LAP3: variants seen among roughly 807,000 people sequenced by gnomAD.
LAP3 encodes leucine aminopeptidase 3.
A neutral mutation model predicts 58.8 loss-of-function variants in LAP3; 46 were observed. The observed-to-expected ratio is 0.78, with a 90% CI of 0.62 to 1.00. LAP3 has a LOEUF of 1.00. Ranked by LOEUF, LAP3 falls within the 50% of genes least tolerant of loss-of-function variation. The pLI is 0.00. For missense variants in LAP3, 615 were observed against 659.1 expected (o/e 0.93, Z 0.73); for synonymous variants, 257 against 237.7 (o/e 1.08, Z -0.75).
Position 17,577,215 on chromosome 4 carries a change from C to CACACGAATGCGGGCGA in LAP3, c.-236_-235insAACACGAATGCGGGCG. On this transcript the variant is annotated 5_prime_UTR_variant, in exon 1 of 13. The change creates a new upstream start codon in the 5' untranslated region. Transcript: ENST00000226299. ...GCGCGGGCGCACACGAATGCGGGCG[C>CACACGAATGCGGGCGA]ACACGAATGCGGGCGCACACGAATG... The CACACGAATGCGGGCGA allele has an allele frequency of 2.9e-6, 1 of 348,856 alleles. No homozygotes were observed. The highest frequency in any genetic ancestry group is 5.0e-5 in the East Asian group (1 of 19,816). 21.6% of individuals were successfully genotyped at this position (348,856 alleles called of 1,614,324 possible).
rs1292606479 is a variant in LAP3 at position 17,580,500 on chromosome 4, AGACTG to A, written c.218+562_218+566del. On this transcript the variant is annotated intron_variant, in intron 2 of 12. Coordinates refer to ENST00000226299, the MANE Select transcript of LAP3 (RefSeq NM_015907.3). ...AGCCCAATCAGAAATCTATTGTGAA[AGACTG>A]ATCCAGAATAATCTGGAAAGTACCA... Among the ~76,000 whole-genome samples, 7 of 152,014 alleles carry A rather than the reference AGACTG, an allele frequency of 4.6e-5. No homozygotes were observed. In the East Asian group the frequency reaches 1.4e-3, roughly 30 times the overall value.
chr4:17,581,628 T>A, intron 2 of LAP3, 132 bp from the exon 3 acceptor site: 1 of 642,614 alleles, frequency 1.6e-6, no homozygotes. Context: ...TGTATTTGGA[T>A]AAAAACATAA....
intron 6 of LAP3, among the ~76,000 whole-genome samples, chr4:17,587,832 A>C (rs1234310893): frequency 6.6e-6 from 1 of 152,066 alleles, no homozygotes; most frequent in Non-Finnish European, 1.5e-5. Flanking sequence ...TGTGAGAAAC[A>C]GTGTGTGACA....
At chr4:17,580,574 C>T (rs1713339414) in intron 2 of LAP3, among the ~76,000 whole-genome samples, 1 of 152,096 alleles carries the variant, frequency 6.6e-6, no homozygotes, top group Non-Finnish European at 1.5e-5. Flanking sequence ...ACTTTCCCCA[C>T]CCTCTTCCTC....
chr4:17,579,168 C>A (rs1160028160), intron 1 of LAP3, among the ~76,000 whole-genome samples: 1 of 152,122 alleles, frequency 6.6e-6, no homozygotes, highest in Non-Finnish European at 1.5e-5. Context: ...TGTGACAAGA[C>A]AAAGGGGCTT....
intron 11 of LAP3, among the ~76,000 whole-genome samples, chr4:17,605,605 A>C (rs1714106237): frequency 6.6e-6 from 1 of 152,172 alleles, no homozygotes; most frequent in Non-Finnish European, 1.5e-5. Context: ...TTTAAGGTCT[A>C]AACTTATTTT....
intron 12 of LAP3, 47 bp downstream of exon 12, chr4:17,606,985 GCCAAAA>G: frequency 1.6e-6 from 2 of 1,243,826 alleles, no homozygotes; most frequent in Non-Finnish European, 2.3e-6. Flanking sequence ...ATCCTTGATT[GCCAAAA>G]TAGCTATTTT....
At chr4:17,584,252 C>T (rs929524062) in intron 5 of LAP3, among the ~76,000 whole-genome samples, 22 of 152,210 alleles carry the variant, frequency 1.4e-4, no homozygotes, top group Admixed American at 1.3e-3. Context: ...TTGCTGGTTA[C>T]GTGGCTGAAA....
Position 17,577,484 on chromosome 4 carries a change from C to G in LAP3, c.19C>G (p.Pro7Ala). ...CGACAAGATGTTCTTGCTGCCTCTT[C>G]CGGCTGCGGGGCGAGTAGTCGTCCG... MFLLPL[P>A]AAGRVVVRRL... The change falls in exon 1 of 13, where the codon CCG becomes GCG. Residue 7 changes from proline to alanine, a missense_variant. Physicochemically the swap from Pro to Ala is conservative, Grantham distance 27. Coordinates refer to ENST00000226299, the MANE Select transcript of LAP3 (RefSeq NM_015907.3). The G allele has an allele frequency of 1.9e-6, 3 of 1,581,504 alleles. No individual in the cohort carries two copies. Among genetic ancestry groups the G allele is most frequent in the Non-Finnish European group, 2.6e-6 (3 of 1,165,600 alleles).
At chr4:17,582,495 G>A (rs753626413) in intron 4 of LAP3, 102 bp downstream of exon 4, 5 of 794,988 alleles carry the variant, frequency 6.3e-6, no homozygotes, top group East Asian at 2.7e-5. Context: ...CCCTTACCAC[G>A]TTCACACAGA....
Position 17,587,130 on chromosome 4 carries a change from A to G in LAP3, c.705-1689A>G, listed in dbSNP as rs75243417. 1.3e-3 allele frequency among the ~76,000 whole-genome samples: 205 copies of G among 152,322 alleles called. No homozygotes were observed. The East Asian group carries it at 0.035, about 26-fold the overall frequency. On this transcript the variant is annotated intron_variant, in intron 6 of 12. Transcript: ENST00000226299. ...CAAAAAAAGACTGGAGCCTAAGGAG[A>G]GTCCTGCAGGTTGCTTAGAAGTTAC...
Position 17,583,516 on chromosome 4 carries a change from C to G in LAP3, c.413C>G (p.Ser138Trp), listed in dbSNP as rs375492076. Residue 138 changes from serine to tryptophan, a missense_variant, in exon 5 of 13, where the codon TCG becomes TGG. By Grantham distance (177) the Ser-to-Trp change is radical (BLOSUM62 -3). Transcript: ENST00000226299. ...GCRQIQDLEL[S>W]SVEVDPCGDA... ...AGGCAGATTCAAGACCTGGAGCTCT[C>G]GTCTGTGGAGGTGGATCCCTGTGGA... 1 of 1,614,046 alleles carries G rather than the reference C, an allele frequency of 6.2e-7. No individual in the cohort carries two copies. Among genetic ancestry groups the G allele is most frequent in the South Asian group, 1.1e-5 (1 of 91,062 alleles).
chr4:17,592,974 T>C (rs1713726059), intron 7 of LAP3, among the ~76,000 whole-genome samples: 1 of 152,200 alleles, frequency 6.6e-6, no homozygotes, highest in African/African-American at 2.4e-5. Context: ...AATTTTTGCA[T>C]CTTTAGTAGA....
intron 6 of LAP3, 59 bp downstream of exon 6, chr4:17,585,195 C>A: frequency 7.1e-7 from 1 of 1,412,412 alleles, no homozygotes; most frequent in South Asian, 1.2e-5. Context: ...CCCTTGAGAT[C>A]CTAAAATCCA....
At chr4:17,585,832 C>G (rs1438584512) in intron 6 of LAP3, 2 of 152,246 alleles carry the variant, frequency 1.3e-5, no homozygotes, top group South Asian at 4.1e-4. Context: ...CCCTGTTTCC[C>G]ATTCCCTAAA....
intron 11 of LAP3, among the ~76,000 whole-genome samples, chr4:17,606,404 C>T (rs998275601): frequency 3.3e-5 from 5 of 152,052 alleles, no homozygotes; most frequent in African/African-American, 9.7e-5. Flanking sequence ...CGTGGCACTC[C>T]GTTGGCTCCC....
chr4:17,598,709 T>C, intron 10 of LAP3, 151 bp downstream of exon 10: 1 of 619,258 alleles, frequency 1.6e-6, no homozygotes. Flanking sequence ...GTTCTGCAGT[T>C]GTAAAATGTT....
At chr4:17,587,449 G>C (rs549224468) in intron 6 of LAP3, 2 of 141,670 alleles carry the variant, frequency 1.4e-5, no homozygotes, top group East Asian at 4.0e-4. Context: ...TTTTTTTGAA[G>C]TGATTTTTAA....
rs1242878179 is a variant in LAP3 at position 17,581,771 on chromosome 4, C to G, written c.230C>G (p.Pro77Arg). Residue 77 changes from proline (P) to arginine (R), a missense_variant, in exon 3 of 13, where the codon CCT becomes CGT. Coordinates refer to ENST00000226299, the MANE Select transcript of LAP3 (RefSeq NM_015907.3). ...TCCTCTTGTTTTAGATCTGGACCAC[C>G]TCTGAAGGCAGGGAAGACTCGAACC... ...LRETLNISGPPLKAGKTRTFY... is the reference protein window; with the variant it reads ...LRETLNISGPRLKAGKTRTFY... 1 of 1,613,794 alleles carries G rather than the reference C, an allele frequency of 6.2e-7. No individual in the cohort carries two copies. Among genetic ancestry groups the G allele is most frequent in the African/African-American group, 1.3e-5 (1 of 75,032 alleles).
Sources: gnomAD v4.1 joint callset for allele counts (sites outside exome capture counted in the v4.1 genomes callset) on GRCh38, gnomAD v4.1.1 for gene constraint, MANE v1.5 for transcripts, NCBI Gene and HGNC (gene_info 2026-07-23, HGNC 2026-07-21) for gene names.